The following IGF2BP3 variants were observed in gnomAD, a reference collection of about 807,000 sequenced individuals.
IGF2BP3 encodes insulin-like growth factor 2 mRNA-binding protein 3.
A neutral mutation model predicts 73.8 loss-of-function variants in IGF2BP3; 9 were observed. That is an observed-to-expected ratio of 0.12 (90% CI 0.07 to 0.21). The LOEUF (loss-of-function observed/expected upper bound fraction) is 0.21. Ranked by LOEUF, IGF2BP3 falls within the 10% of genes least tolerant of loss-of-function variation. The probability of loss-of-function intolerance (pLI) is 1.00; values close to 1 mark genes in which losing one functional copy is unlikely to be tolerated. For missense variants in IGF2BP3, 542 were observed against 714.0 expected (o/e 0.76, Z 2.75); for synonymous variants, 258 against 256.7 (o/e 1.01, Z -0.05).
At chr7:23,409,556 T>A (rs927113096) in intron 3 of IGF2BP3, among the ~76,000 whole-genome samples, 1 of 152,076 alleles carries the variant, frequency 6.6e-6, no homozygotes, top group African/African-American at 2.4e-5. Flanking sequence ...CATAAATCAA[T>A]GGGATAAAAG....
chr7:23,406,925 C>T (rs1287748479), intron 3 of IGF2BP3, among the ~76,000 whole-genome samples: 1 of 152,082 alleles, frequency 6.6e-6, no homozygotes, highest in Non-Finnish European at 1.5e-5. Flanking sequence ...CCCCACCTGA[C>T]CCAGAAGCCC....
chr7:23,358,473 A>G (rs1785150222), intron 5 of IGF2BP3, among the ~76,000 whole-genome samples: 1 of 152,210 alleles, frequency 6.6e-6, no homozygotes, highest in South Asian at 2.1e-4. Flanking sequence ...GGTTCATTGG[A>G]AGTCCAGGCT....
At chr7:23,456,817 C>T (rs927532438) in intron 2 of IGF2BP3, among the ~76,000 whole-genome samples, 25 of 151,808 alleles carry the variant, frequency 1.6e-4, no homozygotes, top group East Asian at 5.9e-4. Context: ...TGGGAGGCCG[C>T]GGCGAGGGGA....
intron 3 of IGF2BP3, among the ~76,000 whole-genome samples, chr7:23,367,676 C>G (rs17148073): frequency 0.13 from 20,065 of 151,946 alleles, 3,344 homozygotes; most frequent in African/African-American, 0.39. Flanking sequence ...GGACGTGAAA[C>G]CCTCAAATGT....
At chr7:23,451,527 G>C (rs1238857581) in intron 2 of IGF2BP3, among the ~76,000 whole-genome samples, 1 of 152,096 alleles carries the variant, frequency 6.6e-6, no homozygotes, top group Non-Finnish European at 1.5e-5. Flanking sequence ...CCAGGAGGTG[G>C]AGGTTGCAGT....
intron 3 of IGF2BP3, among the ~76,000 whole-genome samples, chr7:23,373,774 C>G (rs986940697): frequency 1.3e-5 from 2 of 152,142 alleles, no homozygotes; most frequent in Non-Finnish European, 2.9e-5. Flanking sequence ...GGGATGGGGC[C>G]AGGTGGGAGG....
At chr7:23,377,050 G>GA (rs962031206) in intron 3 of IGF2BP3, among the ~76,000 whole-genome samples, 2 of 151,480 alleles carry the variant, frequency 1.3e-5, no homozygotes, top group African/African-American at 4.9e-5. Flanking sequence ...ACATAGAACA[G>GA]AAAAAACATC....
intron 3 of IGF2BP3, among the ~76,000 whole-genome samples, chr7:23,406,915 C>T (rs537219758): frequency 6.6e-6 from 1 of 152,152 alleles, no homozygotes; most frequent in East Asian, 1.9e-4. Flanking sequence ...TTCTTCAAGT[C>T]CCCACCTGAC....
At chr7:23,319,789 G>A (rs1193551058) in intron 10 of IGF2BP3, among the ~76,000 whole-genome samples, 2 of 152,176 alleles carry the variant, frequency 1.3e-5, no homozygotes, top group South Asian at 2.1e-4. Context: ...CCTTACCACT[G>A]TCATTCAATA....
At chr7:23,438,179 C>A (rs913817438) in intron 2 of IGF2BP3, among the ~76,000 whole-genome samples, 2 of 152,138 alleles carry the variant, frequency 1.3e-5, no homozygotes, top group Admixed American at 1.3e-4. Flanking sequence ...AAGTGCAGTG[C>A]CACGATCTCG....
chr7:23,391,581 G>C (rs983096445), intron 3 of IGF2BP3, among the ~76,000 whole-genome samples: 1 of 152,134 alleles, frequency 6.6e-6, no homozygotes, highest in Non-Finnish European at 1.5e-5. Flanking sequence ...CTTTGGAACT[G>C]AGCCCCAAAC....
intron 2 of IGF2BP3, among the ~76,000 whole-genome samples, chr7:23,453,948 C>G (rs1027518056): frequency 6.6e-6 from 1 of 152,114 alleles, no homozygotes; most frequent in Non-Finnish European, 1.5e-5. Flanking sequence ...TGCCTCAGCC[C>G]CCCAGTTAGC....
At chr7:23,325,176 T>C (rs891497986) in intron 10 of IGF2BP3, among the ~76,000 whole-genome samples, 23 of 152,260 alleles carry the variant, frequency 1.5e-4, no homozygotes, top group East Asian at 1.4e-3. Context: ...GAAAGCCCCA[T>C]TGTCTCAGCC....
intron 2 of IGF2BP3, among the ~76,000 whole-genome samples, chr7:23,462,524 G>A (rs552867099): frequency 7.9e-4 from 120 of 152,152 alleles, no homozygotes; most frequent in Middle Eastern, 3.4e-3. Context: ...ACCACGCCCG[G>A]TTAATTTTTT....
At chr7:23,358,528 A>G (rs1412298243) in intron 5 of IGF2BP3, among the ~76,000 whole-genome samples, 1 of 152,256 alleles carries the variant, frequency 6.6e-6, no homozygotes, top group Non-Finnish European at 1.5e-5. Flanking sequence ...CCAGTGGGTT[A>G]AACTATAAAT....
Position 23,469,869 on chromosome 7 carries a change from C to T in IGF2BP3, c.175+67G>A. Reference sequence around the variant, plus strand: ...CCGGGCCTGGGGCCCGCGGAGCCACCCGGTGGGCCTGGGCGGGCGGTGCAG... The same window carrying T: ...CCGGGCCTGGGGCCCGCGGAGCCACTCGGTGGGCCTGGGCGGGCGGTGCAG... On this transcript the variant is annotated intron_variant, in intron 1 of 14. Transcript: ENST00000258729. This position sits in a 1 kb window ranked among gnomAD's most constrained non-coding sequence, Gnocchi z 6.1. 4.2e-6 allele frequency: 5 copies of T among 1,178,958 alleles called. No homozygotes were observed. Among genetic ancestry groups the T allele is most frequent in the African/African-American group, 1.6e-5 (1 of 62,820 alleles). 73.0% of individuals were successfully genotyped at this position (1,178,958 alleles called of 1,614,324 possible).
intron 2 of IGF2BP3, among the ~76,000 whole-genome samples, chr7:23,465,732 G>A (rs1788552357): frequency 6.6e-6 from 1 of 152,192 alleles, no homozygotes; most frequent in Non-Finnish European, 1.5e-5. Flanking sequence ...ATGCCCACAT[G>A]ATGATGGGAT....
intron 2 of IGF2BP3, among the ~76,000 whole-genome samples, chr7:23,467,354 A>T (rs1437324961): frequency 6.6e-6 from 1 of 152,066 alleles, no homozygotes; most frequent in Non-Finnish European, 1.5e-5. Context: ...TCCAGCACAC[A>T]CTCTCTCACC....
chr7:23,369,901 AC>A (rs1785493610), intron 3 of IGF2BP3, among the ~76,000 whole-genome samples: 1 of 152,172 alleles, frequency 6.6e-6, no homozygotes, highest in South Asian at 2.1e-4. Flanking sequence ...TATTCTGCAT[AC>A]CCACTGCTCA....
Sources: gnomAD v4.1 joint callset for allele counts (sites outside exome capture counted in the v4.1 genomes callset) on GRCh38, gnomAD v4.1.1 for gene constraint, Gnocchi (gnomAD v3.1) non-coding constraint, MANE v1.5 for transcripts, NCBI Gene and HGNC (gene_info 2026-07-23, HGNC 2026-07-21) for gene names.